SLCO3A1: variants seen among roughly 807,000 people sequenced by gnomAD.
SLCO3A1 encodes PGE1 transporter.
Under a neutral mutation model 63.1 loss-of-function variants are expected in SLCO3A1, and 27 were observed. That is an observed-to-expected ratio of 0.43 (90% CI 0.32 to 0.59). The LOEUF is 0.59. Ranked by LOEUF, SLCO3A1 falls within the 20% of genes least tolerant of loss-of-function variation. The pLI, the probability that SLCO3A1 is intolerant of heterozygous loss-of-function variation, is 0.09. For synonymous variants in SLCO3A1, 473 were observed against 409.9 expected (o/e 1.15, Z -1.86); for missense variants, 773 against 945.8 (o/e 0.82, Z 2.40).
chr15:91,867,159 T>C (rs1255659866), intron 1 of SLCO3A1, among the ~76,000 whole-genome samples: 4 of 152,222 alleles, frequency 2.6e-5, no homozygotes, highest in Non-Finnish European at 4.4e-5. Flanking sequence ...TCGGCCAAGC[T>C]TGGATCCCTC....
intron 2 of SLCO3A1, among the ~76,000 whole-genome samples, chr15:92,088,520 CTT>C (rs1238636040): frequency 3.9e-5 from 6 of 152,316 alleles, no homozygotes; most frequent in Admixed American, 3.9e-4. Context: ...TTATTGCAAA[CTT>C]AGTGTAAAAC....
At chr15:91,864,581 C>T (rs1254550480) in intron 1 of SLCO3A1, among the ~76,000 whole-genome samples, 1 of 145,396 alleles carries the variant, frequency 6.9e-6, no homozygotes, top group Non-Finnish European at 1.5e-5. Context: ...AATATATATA[C>T]ATTTATATTT....
At position 91,860,446 on chromosome 15, in the gene SLCO3A1, G is replaced by T. The variant is rs1301853847; in HGVS notation, c.180+6358G>T. On this transcript the variant is annotated intron_variant, in intron 1 of 9. Coordinates refer to ENST00000318445, the MANE Select transcript of SLCO3A1 (RefSeq NM_013272.4). The surrounding 1 kb of genome is among the most constrained non-coding windows in gnomAD (Gnocchi z 5.5). ...TCATGTGATAGAGTACTTCTCATAG[G>T]GTACAGTATTCCACAGTTGCTTTAA... Among the ~76,000 whole-genome samples, 4 of 152,174 alleles carry T rather than the reference G, an allele frequency of 2.6e-5. No individual in the cohort carries two copies. The highest frequency in any genetic ancestry group is 5.9e-5 in the Non-Finnish European group (4 of 68,022).
intron 9 of SLCO3A1, among the ~76,000 whole-genome samples, chr15:92,152,492 A>AAAAC (rs1399636367): frequency 6.6e-6 from 1 of 152,192 alleles, no homozygotes; most frequent in African/African-American, 2.4e-5. Flanking sequence ...TGCCCCAATT[A>AAAAC]AAACAAGTTC....
intron 2 of SLCO3A1, among the ~76,000 whole-genome samples, chr15:92,016,237 A>ATTAGAT (rs775797658): frequency 1.7e-5 from 1 of 59,956 alleles, no homozygotes; most frequent in Non-Finnish European, 2.9e-5. Flanking sequence ...AGATAGATAG[A>ATTAGAT]TAGATAGATA....
At chr15:92,050,382 A>G (rs997979976) in intron 2 of SLCO3A1, among the ~76,000 whole-genome samples, 3 of 152,174 alleles carry the variant, frequency 2.0e-5, no homozygotes, top group African/African-American at 7.2e-5. Context: ...CACCTAGGGA[A>G]CACATTTTCA....
chr15:91,916,326 G>A lies in SLCO3A1; in HGVS notation c.514G>A (p.Ala172Thr), dbSNP rs762857508. The A allele has an allele frequency of 1.2e-6, 2 of 1,600,152 alleles. No individual in the cohort carries two copies. The highest frequency in any genetic ancestry group is 1.7e-6 in the Non-Finnish European group (2 of 1,173,716). ...DPDLICRNRT[A>T]TNMMYLLLIG... is the part of the protein sequence containing the mutation. ...CGACCTCATCTGCCGCAACCGGACGGCTACCAACATGATGTACTTGCTGCT... is the reference window on the plus strand; with the variant it reads ...CGACCTCATCTGCCGCAACCGGACGACTACCAACATGATGTACTTGCTGCT... The change falls in exon 2 of 10, where the codon GCT becomes ACT. Residue 172 changes from alanine (A) to threonine (T), a missense_variant. By Grantham distance (58) the Ala-to-Thr change is moderately conservative. Around this residue, in one of 3 missense-constraint regions of SLCO3A1, gnomAD observed 565 missense variants for 749.8 expected, o/e 0.75. Transcript: ENST00000318445. The surrounding 1 kb of genome is among the most constrained non-coding windows in gnomAD (Gnocchi z 6.2).
At chr15:91,891,952 C>A (rs1897881001) in intron 1 of SLCO3A1, among the ~76,000 whole-genome samples, 1 of 152,208 alleles carries the variant, frequency 6.6e-6, no homozygotes, top group African/African-American at 2.4e-5. Context: ...TTAACACAGA[C>A]AGGTGGTGAA....
At chr15:91,917,611 A>T (rs1898705854) in intron 2 of SLCO3A1, among the ~76,000 whole-genome samples, 1 of 152,166 alleles carries the variant, frequency 6.6e-6, no homozygotes, top group South Asian at 2.1e-4. Flanking sequence ...CATTCAGAGG[A>T]TGGAGCACCA....
At chr15:91,917,279 G>A (rs1028080533) in intron 2 of SLCO3A1, among the ~76,000 whole-genome samples, 2 of 152,180 alleles carry the variant, frequency 1.3e-5, no homozygotes, top group Non-Finnish European at 2.9e-5. Context: ...GCTAAGCTTT[G>A]AAAACATTAC....
Position 91,916,286 on chromosome 15 carries a change from C to T in SLCO3A1, c.474C>T (p.Asp158=). ...DVCAANGSGG[D]EGPDPDLICR... is the part of the protein sequence containing the mutation. ...GCGCAGCCAACGGCTCGGGCGGCGA[C>T]GAGGGGCCCGACCCCGACCTCATCT... Residue 158 remains aspartate, a synonymous_variant, in exon 2 of 10, where the codon GAC becomes GAT. Transcript: ENST00000318445. This position sits in a 1 kb window ranked among gnomAD's most constrained non-coding sequence, Gnocchi z 6.2. The T allele has an allele frequency of 5.1e-6, 8 of 1,554,530 alleles. No individual in the cohort carries two copies. Among genetic ancestry groups the T allele is most frequent in the Non-Finnish European group, 6.9e-6 (8 of 1,152,106 alleles).
rs532949639 is a variant in SLCO3A1 at position 91,968,985 on chromosome 15, CA to C, written c.646+52528del. Among the ~76,000 whole-genome samples the C allele has an allele frequency of 2.3e-4, 35 of 152,306 alleles. No homozygotes were observed. In the East Asian group the frequency reaches 6.8e-3, roughly 29 times the overall value. ...CATCTCTGCCTCCACCTACCTCCAA[CA>C]CAAGAGTTTGCTAACAGGTCCACAC... is the stretch of plus-strand genomic sequence containing the variant. On this transcript the variant is annotated intron_variant, in intron 2 of 9. Coordinates refer to ENST00000318445, the MANE Select transcript of SLCO3A1 (RefSeq NM_013272.4). This position sits in a 1 kb window ranked among gnomAD's most constrained non-coding sequence, Gnocchi z 4.2.
At chr15:92,039,423 C>A (rs972371027) in intron 2 of SLCO3A1, among the ~76,000 whole-genome samples, 4 of 152,194 alleles carry the variant, frequency 2.6e-5, no homozygotes, top group Non-Finnish European at 5.9e-5. Flanking sequence ...TGAACAGACA[C>A]TTCTCAAAAG....
chr15:92,088,075 G>C (rs1381054512), intron 2 of SLCO3A1, among the ~76,000 whole-genome samples: 9 of 152,056 alleles, frequency 5.9e-5, no homozygotes, highest in Admixed American at 5.9e-4. Flanking sequence ...GGAAAGAGGA[G>C]GTTTGGGTCT....
intron 2 of SLCO3A1, among the ~76,000 whole-genome samples, chr15:92,083,801 G>C (rs1221193171): frequency 6.6e-6 from 1 of 152,168 alleles, no homozygotes; most frequent in African/African-American, 2.4e-5. Context: ...AGCACTTACT[G>C]TATGCCAGGC....
chr15:92,159,826 T>G (rs2048415608), intron 9 of SLCO3A1, among the ~76,000 whole-genome samples: 1 of 152,138 alleles, frequency 6.6e-6, no homozygotes, highest in African/African-American at 2.4e-5. Context: ...TTATAAGAAT[T>G]CTCACTCAGG....
chr15:92,078,463 G>C (rs554574016), intron 2 of SLCO3A1, among the ~76,000 whole-genome samples: 1 of 152,182 alleles, frequency 6.6e-6, no homozygotes, highest in Non-Finnish European at 1.5e-5. Flanking sequence ...TGACCTCGGC[G>C]CACCTCCGCG....
chr15:92,031,317 G>C (rs982525775), intron 2 of SLCO3A1, among the ~76,000 whole-genome samples: 1 of 152,184 alleles, frequency 6.6e-6, no homozygotes, highest in Non-Finnish European at 1.5e-5. Flanking sequence ...TGAAGAGAAA[G>C]AAAGAGTGTT....
chr15:91,987,751 A>AG (rs1209769276), intron 2 of SLCO3A1, among the ~76,000 whole-genome samples: 1 of 151,514 alleles, frequency 6.6e-6, no homozygotes, highest in African/African-American at 2.4e-5. Context: ...CTAAAAAAAA[A>AG]AAAAAAGATA....
Sources: gnomAD v4.1 joint callset for allele counts (sites outside exome capture counted in the v4.1 genomes callset) on GRCh38, gnomAD v4.1.1 for gene constraint, gnomAD v4.1.1 regional missense constraint, Gnocchi (gnomAD v3.1) non-coding constraint, MANE v1.5 for transcripts, NCBI Gene and HGNC (gene_info 2026-07-23, HGNC 2026-07-21) for gene names.